Variants in PPP2R3A observed in about 807,000 individuals in gnomAD.
The protein encoded by PPP2R3A is protein phosphatase 2 regulatory subunit B''alpha, also known as serine/threonine-protein phosphatase 2A regulatory subunit B'' subunit alpha.
Under a neutral mutation model 106.9 loss-of-function variants are expected in PPP2R3A, and 80 were observed. The ratio of observed to expected loss-of-function variants is 0.75; its 90% CI spans 0.62 to 0.90. PPP2R3A has a LOEUF of 0.90. Among genes scored for constraint, PPP2R3A ranks in the 40% least tolerant of loss-of-function variants. PPP2R3A has a pLI of 0.00. For missense variants in PPP2R3A, 1,386 were observed against 1,350.4 expected (o/e 1.03, Z -0.41); for synonymous variants, 483 against 468.3 (o/e 1.03, Z -0.41).
At position 136,026,872 on chromosome 3, in the gene PPP2R3A, C is replaced by T. The variant is rs769304872; in HGVS notation, c.2036C>T (p.Pro679Leu). Residue 679 changes from proline (P) to leucine (L), a missense_variant, in exon 3 of 14, where the codon CCA (proline) becomes CTA (leucine). Pro to Leu is a moderately conservative substitution (Grantham distance 98, BLOSUM62 -3). Coordinates refer to ENST00000264977, the MANE Select transcript of PPP2R3A (RefSeq NM_002718.5). ...KPEKKPGTPL[P>L]PPATSPSSPR... Reference sequence around the variant, plus strand: ...GAAAAGAAACCTGGAACACCACTCCCACCTCCAGCCACCTCTCCAAGTAGT... The same window carrying T: ...GAAAAGAAACCTGGAACACCACTCCTACCTCCAGCCACCTCTCCAAGTAGT... The T allele has an allele frequency of 2.7e-5, 44 of 1,612,556 alleles. No homozygotes were observed. The East Asian group carries it at 9.4e-4, about 34-fold the overall frequency.
intron 13 of PPP2R3A, among the ~76,000 whole-genome samples, chr3:136,121,222 A>G (rs1011329577): frequency 2.6e-5 from 4 of 152,202 alleles, no homozygotes; most frequent in African/African-American, 4.8e-5. Context: ...CATGGTACCT[A>G]TACACCATGG....
chr3:136,000,203 T>TG (rs769576330), intron 1 of PPP2R3A, among the ~76,000 whole-genome samples: 4 of 152,164 alleles, frequency 2.6e-5, no homozygotes, highest in African/African-American at 4.8e-5. Context: ...CCCCAACACA[T>TG]GCCACCATAT....
At chr3:136,055,339 C>G (rs1352139699) in intron 5 of PPP2R3A, 3 of 943,910 alleles carry the variant, frequency 3.2e-6, no homozygotes, top group East Asian at 4.8e-5. Context: ...ATTTTTTGAT[C>G]AACTCTAAGA....
intron 2 of PPP2R3A, chr3:136,023,087 A>G: frequency 6.2e-7 from 1 of 1,613,324 alleles, no homozygotes; most frequent in Non-Finnish European, 8.5e-7. Flanking sequence ...TCAAGGAAAC[A>G]TCTCTACGAA....
intron 12 of PPP2R3A, among the ~76,000 whole-genome samples, chr3:136,105,207 C>T (rs534973197): frequency 2.1e-4 from 32 of 152,124 alleles, no homozygotes; most frequent in African/African-American, 1.4e-4. Context: ...AATTTGCCAG[C>T]GAATGGGGGC....
intron 13 of PPP2R3A, among the ~76,000 whole-genome samples, chr3:136,135,468 A>T (rs1245742629): frequency 1.3e-5 from 2 of 152,206 alleles, no homozygotes; most frequent in Non-Finnish European, 2.9e-5. Flanking sequence ...CTCAAGAAAG[A>T]ATCACAGATA....
chr3:135,988,591 CT>C (rs1933024033), intron 1 of PPP2R3A, among the ~76,000 whole-genome samples: 1 of 152,124 alleles, frequency 6.6e-6, no homozygotes, highest in Non-Finnish European at 1.5e-5. Flanking sequence ...AGAGCAAAGT[CT>C]AGTCACACTG....
chr3:136,031,418 G>A (rs1401116091), intron 3 of PPP2R3A, among the ~76,000 whole-genome samples: 2 of 152,186 alleles, frequency 1.3e-5, no homozygotes, highest in African/African-American at 2.4e-5. Flanking sequence ...TTTGTCAGAT[G>A]TATAGATCTT....
At chr3:136,120,474 G>T (rs890702346) in intron 13 of PPP2R3A, among the ~76,000 whole-genome samples, 1 of 152,082 alleles carries the variant, frequency 6.6e-6, no homozygotes, top group Admixed American at 6.6e-5. Context: ...TGTAGTCCCA[G>T]CTATTAAGGA....
intron 8 of PPP2R3A, among the ~76,000 whole-genome samples, chr3:136,083,410 C>T (rs1446878353): frequency 1.3e-5 from 2 of 152,154 alleles, no homozygotes; most frequent in Non-Finnish European, 2.9e-5. Context: ...GCTCTCTTGC[C>T]TGCCACCCTG....
intron 13 of PPP2R3A, chr3:136,106,693 G>A (rs534444557): frequency 9.2e-4 from 179 of 193,994 alleles, no homozygotes; most frequent in Non-Finnish European, 1.5e-3. Context: ...AGGCCGAGGC[G>A]GGTGGATAAC....
chr3:136,026,898 C>A lies in PPP2R3A; in HGVS notation c.2062C>A (p.Pro688Thr). The change falls in exon 3 of 14, where the codon CCC becomes ACC. Residue 688 changes from proline to threonine, a missense_variant. Pro to Thr is a conservative substitution (Grantham distance 38). Coordinates refer to ENST00000264977, the MANE Select transcript of PPP2R3A (RefSeq NM_002718.5). ...LPPPATSPSS[P>T]RPLSPVPHVN... The stretch of plus-strand genomic sequence containing the variant: ...ACCTCCAGCCACCTCTCCAAGTAGT[C>A]CCCGACCTCTCTCCCCGGTTCCCCA... 6.2e-7 allele frequency: 1 copy of A among 1,612,850 alleles called. No homozygotes were observed. The highest frequency in any genetic ancestry group is 8.5e-7 in the Non-Finnish European group (1 of 1,178,944).
In PPP2R3A at chr3:135,965,768, C is replaced by G. The variant is rs571788700; in HGVS notation, c.-522C>G. On this transcript the variant is annotated 5_prime_UTR_variant, in exon 1 of 14. Transcript: ENST00000264977. Reference sequence around the variant, plus strand: ...CTCTTCACGCGCCGCATTCGTAGCCCGAGAGTCCGCGCCGCGGGGAGGCTT... The same window carrying G: ...CTCTTCACGCGCCGCATTCGTAGCCGGAGAGTCCGCGCCGCGGGGAGGCTT... 4.6e-5 allele frequency: 7 copies of G among 152,250 alleles called. No homozygotes were observed. The highest frequency in any genetic ancestry group is 1.4e-4 in the African/African-American group (6 of 41,528). The allele number at this position is 152,250 out of a possible 1,614,324, so 9.4% of individuals were successfully genotyped here. A position where few individuals can be genotyped will look rare whatever the true frequency, so the allele number is the denominator to read the frequency against.
chr3:136,086,124 G>T (rs1427605267), intron 8 of PPP2R3A, among the ~76,000 whole-genome samples: 1 of 150,364 alleles, frequency 6.7e-6, no homozygotes, highest in East Asian at 2.0e-4. Flanking sequence ...GGGAGACCCT[G>T]TCTCAAAGAA....
intron 6 of PPP2R3A, 105 bp from the exon 7 acceptor site, chr3:136,078,262 A>G: frequency 1.3e-6 from 1 of 761,094 alleles, no homozygotes; most frequent in Non-Finnish European, 2.3e-6. Flanking sequence ...ATAATCAAAA[A>G]GCTAAAAGTT....
intron 13 of PPP2R3A, among the ~76,000 whole-genome samples, chr3:136,130,902 T>C (rs1300480194): frequency 1.3e-5 from 2 of 152,138 alleles, no homozygotes; most frequent in East Asian, 3.8e-4. Context: ...AAACAAGAAA[T>C]GGGGAAAGGA....
At chr3:135,987,038 C>T (rs1932950472) in intron 1 of PPP2R3A, among the ~76,000 whole-genome samples, 1 of 152,008 alleles carries the variant, frequency 6.6e-6, no homozygotes, top group African/African-American at 2.4e-5. Flanking sequence ...CAGTGATGTC[C>T]ACATCTGTCA....
chr3:135,974,662 C>T (rs1479233112), intron 1 of PPP2R3A, among the ~76,000 whole-genome samples: 2 of 152,194 alleles, frequency 1.3e-5, no homozygotes, highest in Non-Finnish European at 2.9e-5. Flanking sequence ...CTCTGTCTCC[C>T]TTCCCTTTCA....
At chr3:136,073,764 G>A (rs1936513440) in intron 6 of PPP2R3A, among the ~76,000 whole-genome samples, 1 of 152,220 alleles carries the variant, frequency 6.6e-6, no homozygotes, top group Non-Finnish European at 1.5e-5. Flanking sequence ...CTTCTCCTCA[G>A]TGCCTTTTCT....
Sources: gnomAD v4.1 joint callset for allele counts (sites outside exome capture counted in the v4.1 genomes callset) on GRCh38, gnomAD v4.1.1 for gene constraint, MANE v1.5 for transcripts, NCBI Gene and HGNC (gene_info 2026-07-23, HGNC 2026-07-21) for gene names.